Variants in HNF1B observed in about 807,000 individuals in gnomAD.
HNF1B encodes HNF1 homeobox B.
Under a neutral mutation model 61.7 loss-of-function variants are expected in HNF1B, and 8 were observed. The observed-to-expected ratio is 0.13, with a 90% CI of 0.08 to 0.23. The LOEUF (loss-of-function observed/expected upper bound fraction) is 0.23. Ranked by LOEUF, HNF1B falls within the 10% of genes least tolerant of loss-of-function variation. The pLI is 1.00. For missense variants in HNF1B, 562 were observed against 714.5 expected, an observed-to-expected ratio of 0.79 and a Z score of 2.43; for synonymous variants, 314 against 287.7, an observed-to-expected ratio of 1.09 and a Z score of -0.93.
intron 4 of HNF1B, chr17:37,731,370 G>T: frequency 1.5e-6 from 1 of 661,152 alleles, no homozygotes; most frequent in African/African-American, 1.8e-5. Flanking sequence ...AGGGCTCCCT[G>T]GAAGCCGAGT....
chr17:37,707,765 C>A (rs867137473), intron 5 of HNF1B, among the ~76,000 whole-genome samples: 6 of 148,644 alleles, frequency 4.0e-5, no homozygotes, highest in South Asian at 2.1e-4. Flanking sequence ...GCTTTGTTCT[C>A]TCTCTTTTTT....
intron 4 of HNF1B, among the ~76,000 whole-genome samples, chr17:37,727,109 C>T (rs779662561): frequency 8.2e-4 from 125 of 152,194 alleles, no homozygotes; most frequent in Non-Finnish European, 1.6e-3. Context: ...CAACTTCCTC[C>T]TCCTCCTCCT....
intron 1 of HNF1B, among the ~76,000 whole-genome samples, chr17:37,744,173 G>A (rs897107263): frequency 6.6e-6 from 1 of 152,224 alleles, no homozygotes; most frequent in Non-Finnish European, 1.5e-5. Context: ...GCGGCGCGAG[G>A]CTCTGCTCCC....
chr17:37,689,146 C>CAAAA (rs71368464), intron 8 of HNF1B, among the ~76,000 whole-genome samples: 12 of 62,276 alleles, frequency 1.9e-4, no homozygotes, highest in Middle Eastern at 7.1e-3. Context: ...CTTGGTCTCA[C>CAAAA]AAAAAAAAAA....
In HNF1B at chr17:37,743,102, G is replaced by A. The variant is rs548504242; in HGVS notation, c.344+1439C>T. On this transcript the variant is annotated intron_variant, in intron 1 of 8. Transcript: ENST00000617811. Reference sequence around the variant, plus strand: ...GCCAGCCCGGCGCGGGGCTGGGTGCGGAGGGGCGCCCCAGGTCCTTCCAGC... The same window carrying A: ...GCCAGCCCGGCGCGGGGCTGGGTGCAGAGGGGCGCCCCAGGTCCTTCCAGC... Among the ~76,000 whole-genome samples the A allele has an allele frequency of 5.9e-5, 9 of 152,338 alleles. No individual in the cohort carries two copies. The South Asian group carries it at 1.0e-3, about 18-fold the overall frequency.
intron 1 of HNF1B, among the ~76,000 whole-genome samples, chr17:37,742,356 T>C (rs2034019024): frequency 6.6e-6 from 1 of 152,194 alleles, no homozygotes; most frequent in Non-Finnish European, 1.5e-5. Flanking sequence ...CTTCCTCCCC[T>C]GCCTTTCTCT....
chr17:37,710,617 TGAG>T lies in HNF1B; in HGVS notation c.1089_1091del (p.Ser364del), dbSNP rs1391035164. On this transcript the variant is annotated inframe_deletion, in exon 5 of 9. Coordinates refer to ENST00000617811, the MANE Select transcript of HNF1B (RefSeq NM_000458.4). ...CGCTGTTGCCATGGTGACTGATTGT[TGAG>T]GAGGAAGTGATCTCATTGTTTCCCT... 6.2e-7 allele frequency: 1 copy of T among 1,614,144 alleles called. No individual in the cohort carries two copies. Among genetic ancestry groups the T allele is most frequent in the South Asian group, 1.1e-5 (1 of 91,082 alleles).
At chr17:37,687,526 G>A (rs559718427) in intron 8 of HNF1B, 134 bp from the exon 9 acceptor site, 5 of 752,838 alleles carry the variant, frequency 6.6e-6, no homozygotes, top group Non-Finnish European at 1.2e-5. Flanking sequence ...TGGGGGCCTC[G>A]TGTCTGCTCA....
intron 5 of HNF1B, among the ~76,000 whole-genome samples, chr17:37,707,017 T>TA (rs1375313485): frequency 6.6e-6 from 1 of 152,228 alleles, no homozygotes; most frequent in Admixed American, 6.5e-5. Context: ...AAGCCAGAGT[T>TA]AAAATCCAGT....
chr17:37,710,742 C>G (rs1235009684), intron 4 of HNF1B, 79 bp from the exon 5 acceptor site: 4 of 1,413,176 alleles, frequency 2.8e-6, no homozygotes, highest in East Asian at 2.4e-5. Flanking sequence ...CTCTTGTTTT[C>G]AAGGGTGGGT....
chr17:37,706,094 A>C (rs185128161), intron 5 of HNF1B, among the ~76,000 whole-genome samples: 107 of 152,076 alleles, frequency 7.0e-4, no homozygotes, highest in Non-Finnish European at 1.3e-3. Context: ...GAGTGGATGG[A>C]ACCACAGGCA....
At position 37,687,349 on chromosome 17, in the gene HNF1B, A is replaced by G; in HGVS notation, c.*23T>C. Reference sequence around the variant, plus strand: ...GAAAACAGGGTCCTTGTTGTTGCGCACGAAGTAAGTGGTGTGTGGGCATCA... The same window carrying G: ...GAAAACAGGGTCCTTGTTGTTGCGCGCGAAGTAAGTGGTGTGTGGGCATCA... On this transcript the variant is annotated 3_prime_UTR_variant, in exon 9 of 9. Coordinates refer to ENST00000617811, the MANE Select transcript of HNF1B (RefSeq NM_000458.4). 6.2e-7 allele frequency: 1 copy of G among 1,614,090 alleles called. No individual in the cohort carries two copies. Among genetic ancestry groups the G allele is most frequent in the Non-Finnish European group, 8.5e-7 (1 of 1,180,024 alleles).
chr17:37,725,432 C>G (rs999739888), intron 4 of HNF1B, among the ~76,000 whole-genome samples: 1 of 152,340 alleles, frequency 6.6e-6, no homozygotes, highest in Non-Finnish European at 1.5e-5. Context: ...CAGCAGAACA[C>G]CCTGAAGGCT....
chr17:37,719,810 G>A (rs1248561176), intron 4 of HNF1B, among the ~76,000 whole-genome samples: 2 of 152,202 alleles, frequency 1.3e-5, no homozygotes, highest in Non-Finnish European at 2.9e-5. Context: ...GAAAAGAGAG[G>A]TTTTCCACCA....
At chr17:37,713,680 C>T (rs1215463528) in intron 4 of HNF1B, among the ~76,000 whole-genome samples, 1 of 152,200 alleles carries the variant, frequency 6.6e-6, no homozygotes, top group African/African-American at 2.4e-5. Context: ...TGAGCACCAG[C>T]TTCCTCATCT....
At chr17:37,735,904 G>A (rs1269719759) in intron 2 of HNF1B, among the ~76,000 whole-genome samples, 1 of 152,156 alleles carries the variant, frequency 6.6e-6, no homozygotes, top group African/African-American at 2.4e-5. Context: ...GACTACGGAT[G>A]TGCAGGCCAC....
At chr17:37,726,010 G>A (rs1168585248) in intron 4 of HNF1B, among the ~76,000 whole-genome samples, 7 of 152,216 alleles carry the variant, frequency 4.6e-5, no homozygotes, top group Non-Finnish European at 8.8e-5. Flanking sequence ...GGTTGGGGAG[G>A]AAGTAGTAAA....
At chr17:37,743,541 G>A (rs1312386824) in intron 1 of HNF1B, among the ~76,000 whole-genome samples, 1 of 152,262 alleles carries the variant, frequency 6.6e-6, no homozygotes, top group Non-Finnish European at 1.5e-5. Flanking sequence ...CCGCCGCTGC[G>A]GACGTGCGGC....
At chr17:37,716,711 G>C (rs2033126105) in intron 4 of HNF1B, among the ~76,000 whole-genome samples, 1 of 152,198 alleles carries the variant, frequency 6.6e-6, no homozygotes, top group African/African-American at 2.4e-5. Context: ...GCAGAAACCT[G>C]TGCTTCAGGG....
Sources: allele counts gnomAD v4.1 joint callset (sites outside exome capture counted in the v4.1 genomes callset), GRCh38; gene constraint gnomAD v4.1.1; transcripts MANE v1.5; gene names NCBI Gene and HGNC (gene_info 2026-07-23, HGNC 2026-07-21).